Variants in SPATA22 observed in about 807,000 individuals in gnomAD.
The protein encoded by SPATA22 is spermatogenesis-associated protein 22.
In SPATA22, 29 loss-of-function variants were observed where a neutral mutation model predicts 47.8. That is an observed-to-expected ratio of 0.61 (90% CI 0.45 to 0.83). SPATA22 has a LOEUF of 0.83. Ranked by LOEUF, SPATA22 falls within the 40% of genes least tolerant of loss-of-function variation. The probability of loss-of-function intolerance (pLI) is 0.00; values close to 1 mark genes in which losing one functional copy is unlikely to be tolerated. For missense variants in SPATA22, 410 were observed against 421.7 expected, an observed-to-expected ratio of 0.97 and a Z score of 0.24; for synonymous variants, 133 against 140.9, an observed-to-expected ratio of 0.94 and a Z score of 0.40.
intron 1 of SPATA22, 131 bp downstream of exon 1, chr17:3,471,551 G>A: frequency 1.0e-6 from 1 of 981,154 alleles, no homozygotes; most frequent in Non-Finnish European, 1.2e-6. Context: ...AAAAACCACG[G>A]CCTCAAATGG....
chr17:3,494,995 T>C (rs146309813), intron 1 of SPATA22, among the ~76,000 whole-genome samples: 1 of 152,220 alleles, frequency 6.6e-6, no homozygotes, highest in East Asian at 1.9e-4. Flanking sequence ...GAAAAACGAC[T>C]GGAACCTCTT....
chr17:3,469,948 C>T (rs1287065054), intron 1 of SPATA22, among the ~76,000 whole-genome samples: 2 of 152,056 alleles, frequency 1.3e-5, no homozygotes, highest in African/African-American at 4.8e-5. Context: ...ACAAAATTAG[C>T]CAGGAGTGGT....
intron 5 of SPATA22, among the ~76,000 whole-genome samples, chr17:3,459,555 G>A (rs534883405): frequency 2.6e-5 from 4 of 152,164 alleles, no homozygotes; most frequent in South Asian, 2.1e-4. Flanking sequence ...ACAGGCATGC[G>A]CCACCACGCC....
At chr17:3,453,343 T>C (rs889494914) in intron 5 of SPATA22, among the ~76,000 whole-genome samples, 2 of 152,230 alleles carry the variant, frequency 1.3e-5, no homozygotes, top group Non-Finnish European at 2.9e-5. Flanking sequence ...GATTTATTTC[T>C]GGGATGCAAG....
intron 1 of SPATA22, chr17:3,481,482 C>G (rs973035891): frequency 3.4e-6 from 3 of 891,356 alleles, no homozygotes; most frequent in Non-Finnish European, 5.2e-6. Context: ...TTTTTACTTA[C>G]CACACAGATT....
intron 6 of SPATA22, among the ~76,000 whole-genome samples, chr17:3,447,335 G>A (rs559208274): frequency 5.9e-5 from 9 of 152,198 alleles, no homozygotes; most frequent in Middle Eastern, 3.4e-3. Context: ...GCAAGGGGAC[G>A]CTTTCCTTTG....
chr17:3,476,468 T>A (rs2073525233), upstream of SPATA22: 12 of 1,311,596 alleles, frequency 9.1e-6, no homozygotes, highest in Non-Finnish European at 1.2e-5. Flanking sequence ...AGAGAACACA[T>A]ATATGTATAT....
intron 1 of SPATA22, among the ~76,000 whole-genome samples, chr17:3,489,771 A>G (rs945525203): frequency 2.6e-5 from 4 of 152,218 alleles, no homozygotes; most frequent in Non-Finnish European, 4.4e-5. Flanking sequence ...ATAAGTGAAC[A>G]TATAAGTTGG....
chr17:3,494,474 T>C lies in SPATA22; in HGVS notation c.-74+18938A>G, dbSNP rs1357840504. 4.5e-6 allele frequency: 7 copies of C among 1,569,032 alleles called. No homozygotes were observed. Among genetic ancestry groups the C allele is most frequent in the African/African-American group, 2.7e-5 (2 of 73,996 alleles). ...CTAATCTGCAGGTAACATTTGTTCT[T>C]TCTTTAAAATGTTGAAAATAATAAT... On this transcript the variant is annotated intron_variant, in intron 1 of 8. Coordinates refer to the SPATA22 transcript ENST00000541913.
chr17:3,466,915 A>T (rs191053294), intron 3 of SPATA22, among the ~76,000 whole-genome samples: 1 of 152,324 alleles, frequency 6.6e-6, no homozygotes, highest in Admixed American at 6.5e-5. Context: ...GGGGGATCAC[A>T]TTTGGACCAT....
chr17:3,480,290 G>A (rs189443963), intron 1 of SPATA22, among the ~76,000 whole-genome samples: 8 of 152,226 alleles, frequency 5.3e-5, no homozygotes, highest in East Asian at 1.9e-4. Flanking sequence ...ACACAGAGCC[G>A]GCTGTACAGA....
intron 1 of SPATA22, chr17:3,483,658 AT>A: frequency 1.4e-6 from 2 of 1,435,496 alleles, no homozygotes; most frequent in South Asian, 1.1e-5. Flanking sequence ...AGAGAAATTT[AT>A]TTTTTATCTT....
intron 1 of SPATA22, chr17:3,489,095 A>AT (rs2073775972): frequency 8.3e-6 from 5 of 599,782 alleles, no homozygotes; most frequent in African/African-American, 7.5e-5. Context: ...TATGTCTCAA[A>AT]TATTTTCCAT....
chr17:3,497,963 C>CT (rs1292863886), intron 1 of SPATA22, among the ~76,000 whole-genome samples: 2 of 152,148 alleles, frequency 1.3e-5, no homozygotes, highest in African/African-American at 4.8e-5. Context: ...AGCCATGGTG[C>CT]TTGAGGGCTC....
rs368773412 is a variant in SPATA22 at position 3,465,589 on chromosome 17, G to A, written c.172+1837C>T. Among the ~76,000 whole-genome samples, 17 of 151,308 alleles carry A rather than the reference G, an allele frequency of 1.1e-4. No individual in the cohort carries two copies. In the East Asian group the frequency reaches 2.5e-3, roughly 22 times the overall value. ...ACAGATGCTTGAAGGCAGCATGCTC[G>A]TTAAGAGTCATCACCACTCCCTAAT... On this transcript the variant is annotated intron_variant, in intron 3 of 8. Coordinates refer to ENST00000572969, the MANE Select transcript of SPATA22 (RefSeq NM_001170698.2).
At chr17:3,482,063 T>C (rs1017919417) in intron 1 of SPATA22, among the ~76,000 whole-genome samples, 2 of 152,222 alleles carry the variant, frequency 1.3e-5, no homozygotes, top group African/African-American at 4.8e-5. Flanking sequence ...CTTGTGTCTA[T>C]AAAATTACAC....
In SPATA22 at chr17:3,446,456, A is replaced by G. The variant is rs372459128; in HGVS notation, c.802+16T>C. On this transcript the variant is annotated intron_variant, in intron 7 of 8. Coordinates refer to ENST00000572969, the MANE Select transcript of SPATA22 (RefSeq NM_001170698.2). ...CAGAGAGTATTACTGAAGTATTTTT[A>G]AAGTATTTTACCTACCTAATACTTC... The G allele has an allele frequency of 1.1e-4, 175 of 1,593,618 alleles. No homozygotes were observed. The highest frequency in any genetic ancestry group is 1.4e-4 in the Non-Finnish European group (166 of 1,173,088).
chr17:3,503,123 T>C (rs1371786055), intron 1 of SPATA22: 1 of 152,178 alleles, frequency 6.6e-6, no homozygotes, highest in Admixed American at 6.6e-5. Context: ...TAAAGAGTGT[T>C]TTTATTCCAT....
At chr17:3,446,381 C>A in intron 7 of SPATA22, 91 bp downstream of exon 7, 1 of 1,308,554 alleles carries the variant, frequency 7.6e-7, no homozygotes, top group Non-Finnish European at 1.0e-6. Context: ...AAAAAGCAGA[C>A]TGTTTTATTT....
Sources: gnomAD v4.1 joint callset for allele counts (sites outside exome capture counted in the v4.1 genomes callset) on GRCh38, gnomAD v4.1.1 for gene constraint, MANE v1.5 for transcripts, NCBI Gene and HGNC (gene_info 2026-07-23, HGNC 2026-07-21) for gene names.